The following SUPT3H variants were observed in gnomAD, a reference collection of about 807,000 sequenced individuals.
The protein encoded by SUPT3H is transcription initiation protein SPT3 homolog.
In SUPT3H, 44 loss-of-function variants were observed where a neutral mutation model predicts 44.3. The ratio of observed to expected loss-of-function variants is 0.99; its 90% CI spans 0.78 to 1.28. The LOEUF (loss-of-function observed/expected upper bound fraction) is 1.28. Among genes scored for constraint, SUPT3H ranks in the 50% most tolerant of loss-of-function variants. The pLI is 0.00. For synonymous variants in SUPT3H, 124 were observed against 125.6 expected (o/e 0.99, Z 0.09); for missense variants, 380 against 387.1 (o/e 0.98, Z 0.15).
chr6:44,881,899 A>G (rs187715185), intron 10 of SUPT3H, among the ~76,000 whole-genome samples: 98 of 152,312 alleles, frequency 6.4e-4, no homozygotes, highest in African/African-American at 2.0e-3. Flanking sequence ...ATTAGAGGGA[A>G]ATTTATAGCA....
chr6:44,864,251 A>G (rs1426290301), intron 10 of SUPT3H, among the ~76,000 whole-genome samples: 1 of 152,242 alleles, frequency 6.6e-6, no homozygotes, highest in Non-Finnish European at 1.5e-5. Context: ...ATGAAGGTAC[A>G]GGCATTGGGT....
intron 9 of SUPT3H, among the ~76,000 whole-genome samples, chr6:44,938,796 GT>G (rs1374893740): frequency 6.6e-6 from 1 of 151,914 alleles, no homozygotes; most frequent in African/African-American, 2.4e-5. Context: ...CATTTCATTG[GT>G]TAAATATTAC....
rs953848874 is a variant in SUPT3H, at chr6:45,106,393, C to T, written c.102-387G>A. On this transcript the variant is annotated intron_variant, in intron 2 of 10. Coordinates refer to ENST00000371459, the MANE Select transcript of SUPT3H (RefSeq NM_003599.4). ...GTTGCAGTGAGCCAAGATCATGCCA[C>T]CATACTCCATCATGGGCAATGGAGT... Among the ~76,000 whole-genome samples the T allele has an allele frequency of 2.0e-5, 3 of 152,162 alleles. No individual in the cohort carries two copies. In the East Asian group the frequency reaches 5.8e-4, roughly 29 times the overall value.
At chr6:44,918,374 A>G (rs1768136045) in intron 10 of SUPT3H, among the ~76,000 whole-genome samples, 1 of 152,254 alleles carries the variant, frequency 6.6e-6, no homozygotes. Context: ...TATTTGCAAA[A>G]GAAGGACTTG....
intron 2 of SUPT3H, among the ~76,000 whole-genome samples, chr6:45,135,277 T>C (rs1249567667): frequency 6.6e-6 from 1 of 152,170 alleles, no homozygotes; most frequent in East Asian, 1.9e-4. Flanking sequence ...GAATAGTAAC[T>C]GGCTCCCTTC....
chr6:44,961,610 T>C, intron 7 of SUPT3H, 143 bp downstream of exon 7: 1 of 651,098 alleles, frequency 1.5e-6, no homozygotes, highest in Non-Finnish European at 2.7e-6. Flanking sequence ...CTCCCCACAA[T>C]GTAGACGTTG....
chr6:45,071,268 C>G (rs898107273), intron 3 of SUPT3H, among the ~76,000 whole-genome samples: 1 of 147,910 alleles, frequency 6.8e-6, no homozygotes, highest in African/African-American at 2.5e-5. Context: ...CCAAGGATTC[C>G]CCAGACCCAC....
intron 2 of SUPT3H, among the ~76,000 whole-genome samples, chr6:45,204,743 G>A (rs1309927817): frequency 7.9e-5 from 12 of 152,108 alleles, no homozygotes; most frequent in Admixed American, 6.5e-4. Flanking sequence ...GCTACTGACT[G>A]ACAGAAACCA....
At chr6:45,212,740 T>C (rs1764340728) in intron 2 of SUPT3H, among the ~76,000 whole-genome samples, 1 of 152,230 alleles carries the variant, frequency 6.6e-6, no homozygotes, top group African/African-American at 2.4e-5. Context: ...TACATACAAA[T>C]AACCTTCCCT....
At chr6:44,897,050 C>T (rs770857760) in intron 10 of SUPT3H, among the ~76,000 whole-genome samples, 2 of 152,200 alleles carry the variant, frequency 1.3e-5, no homozygotes, top group African/African-American at 2.4e-5. Context: ...CTGAGGTATA[C>T]AAAATGCAGA....
intron 2 of SUPT3H, among the ~76,000 whole-genome samples, chr6:45,344,930 T>C (rs922985073): frequency 6.6e-6 from 1 of 152,174 alleles, no homozygotes; most frequent in Non-Finnish European, 1.5e-5. Context: ...AGTTTAGTAG[T>C]TGCCATGGAC....
chr6:45,090,696 G>GA (rs1349322345), intron 3 of SUPT3H, among the ~76,000 whole-genome samples: 1 of 151,542 alleles, frequency 6.6e-6, no homozygotes, highest in Admixed American at 6.6e-5. Context: ...TGCATATTTA[G>GA]AAAAAAAGGC....
chr6:45,068,550 T>G (rs1793823360), intron 3 of SUPT3H, among the ~76,000 whole-genome samples: 2 of 152,182 alleles, frequency 1.3e-5, no homozygotes, highest in East Asian at 3.8e-4. Flanking sequence ...AAATCGGTAC[T>G]AATAGCAAGT....
At chr6:45,098,792 CT>C in intron 3 of SUPT3H, 1 of 521,932 alleles carries the variant, frequency 1.9e-6, no homozygotes, top group South Asian at 1.4e-5. Context: ...AGATTGATTA[CT>C]GTTGTTCAGA....
chr6:45,087,988 G>C (rs765064699), intron 3 of SUPT3H, among the ~76,000 whole-genome samples: 24 of 152,006 alleles, frequency 1.6e-4, no homozygotes, highest in Non-Finnish European at 3.4e-4. Context: ...AGTCAATGCT[G>C]TTTCTTATTT....
At chr6:45,154,731 T>C (rs933682139) in intron 2 of SUPT3H, among the ~76,000 whole-genome samples, 1 of 152,186 alleles carries the variant, frequency 6.6e-6, no homozygotes, top group South Asian at 2.1e-4. Context: ...CCATCAACCC[T>C]ATCCCCAATG....
chr6:44,837,206 ATTGT>A (rs1213080647), intron 10 of SUPT3H, among the ~76,000 whole-genome samples: 1 of 152,226 alleles, frequency 6.6e-6, no homozygotes, highest in Non-Finnish European at 1.5e-5. Flanking sequence ...CCAAATAACA[ATTGT>A]TTGGGGGCTC....
At chr6:45,057,346 C>T (rs1214920427) in intron 3 of SUPT3H, among the ~76,000 whole-genome samples, 1 of 151,754 alleles carries the variant, frequency 6.6e-6, no homozygotes, top group African/African-American at 2.4e-5. Context: ...TGTAAAAGTA[C>T]ATTAAATTAA....
At chr6:45,341,884 C>T (rs560290692) in intron 2 of SUPT3H, among the ~76,000 whole-genome samples, 1 of 152,182 alleles carries the variant, frequency 6.6e-6, no homozygotes, top group African/African-American at 2.4e-5. Context: ...TCAGAAGCCA[C>T]TAAAAAGATG....
Sources: allele counts gnomAD v4.1 joint callset (sites outside exome capture counted in the v4.1 genomes callset), GRCh38; gene constraint gnomAD v4.1.1; transcripts MANE v1.5; gene names NCBI Gene and HGNC (gene_info 2026-07-23, HGNC 2026-07-21).